Variants in CHCHD6 observed in about 807,000 individuals in gnomAD.
The protein encoded by CHCHD6 is MICOS complex subunit MIC25.
In CHCHD6, 28 loss-of-function variants were observed where a neutral mutation model predicts 32.3. The ratio of observed to expected loss-of-function variants is 0.87; its 90% CI spans 0.64 to 1.19. The LOEUF is 1.19. Among genes scored for constraint, CHCHD6 ranks in the 50% most tolerant of loss-of-function variants. The probability of loss-of-function intolerance (pLI) is 0.00; values close to 1 mark genes in which losing one functional copy is unlikely to be tolerated. For synonymous variants in CHCHD6, 122 were observed against 117.5 expected, an observed-to-expected ratio of 1.04 and a Z score of -0.25; for missense variants, 333 against 307.0, an observed-to-expected ratio of 1.08 and a Z score of -0.63.
At chr3:126,872,440 G>A (rs926655438) in intron 5 of CHCHD6, among the ~76,000 whole-genome samples, 1 of 152,162 alleles carries the variant, frequency 6.6e-6, no homozygotes, top group Non-Finnish European at 1.5e-5. Flanking sequence ...ATCACCTGAA[G>A]TGCTCGGTAA....
chr3:126,870,915 G>T (rs989244279), intron 5 of CHCHD6, among the ~76,000 whole-genome samples: 2 of 152,146 alleles, frequency 1.3e-5, no homozygotes, highest in African/African-American at 4.8e-5. Flanking sequence ...TTGCTGAATT[G>T]GACATTGTCT....
At chr3:126,838,541 T>A (rs1353034727) in intron 4 of CHCHD6, among the ~76,000 whole-genome samples, 1 of 152,210 alleles carries the variant, frequency 6.6e-6, no homozygotes, top group Non-Finnish European at 1.5e-5. Flanking sequence ...AGTCCCTTAA[T>A]CAGCTGCATC....
At chr3:126,786,864 A>G (rs1464895984) in intron 4 of CHCHD6, among the ~76,000 whole-genome samples, 1 of 151,996 alleles carries the variant, frequency 6.6e-6, no homozygotes, top group Non-Finnish European at 1.5e-5. Flanking sequence ...TTTTGTTGCC[A>G]TTGCTTTTGG....
chr3:126,820,451 G>A lies in CHCHD6; in HGVS notation c.412-32196G>A, dbSNP rs577526223. Among the ~76,000 whole-genome samples the A allele has an allele frequency of 5.4e-4, 82 of 152,140 alleles. 1 individual carries two copies. Among genetic ancestry groups the A allele is most frequent in the Non-Finnish European group, 1.1e-3 (76 of 68,030 alleles). On this transcript the variant is annotated intron_variant, in intron 4 of 7. Coordinates refer to ENST00000290913, the MANE Select transcript of CHCHD6 (RefSeq NM_032343.3). ...CATGGATTGGTTTGCCTGCTCTTGCGCTCTGTGGACTTGGAAGAATACAGG... is the reference window on the plus strand; with the variant it reads ...CATGGATTGGTTTGCCTGCTCTTGCACTCTGTGGACTTGGAAGAATACAGG...
At chr3:126,911,029 A>G (rs535272542) in intron 5 of CHCHD6, among the ~76,000 whole-genome samples, 1 of 152,176 alleles carries the variant, frequency 6.6e-6, no homozygotes, top group Non-Finnish European at 1.5e-5. Context: ...TTTTAAAACC[A>G]TATGTAAGTA....
intron 4 of CHCHD6, among the ~76,000 whole-genome samples, chr3:126,803,056 G>T (rs1383531095): frequency 1.3e-5 from 2 of 152,054 alleles, no homozygotes; most frequent in Admixed American, 1.3e-4. Context: ...AAGAGCTCCT[G>T]ACACAAGCAC....
chr3:126,714,232 C>T (rs999132593), intron 1 of CHCHD6, among the ~76,000 whole-genome samples: 7 of 152,034 alleles, frequency 4.6e-5, no homozygotes, highest in Non-Finnish European at 1.0e-4. Context: ...GCTGTGCAGT[C>T]TCATTACAGT....
At chr3:126,869,288 C>CTTT (rs58408227) in intron 5 of CHCHD6, among the ~76,000 whole-genome samples, 694 of 108,194 alleles carry the variant, frequency 6.4e-3, no homozygotes, top group Middle Eastern at 0.012. Context: ...CACCAGTCTC[C>CTTT]TTTTTTTTTT....
At chr3:126,759,030 C>T (rs13324764) in intron 4 of CHCHD6, among the ~76,000 whole-genome samples, 4 of 152,234 alleles carry the variant, frequency 2.6e-5, no homozygotes, top group Non-Finnish European at 5.9e-5. Context: ...TGTCAGCTCA[C>T]CAGCGTGGTC....
chr3:126,747,004 G>C (rs1158122385), intron 4 of CHCHD6, among the ~76,000 whole-genome samples: 2 of 152,208 alleles, frequency 1.3e-5, no homozygotes, highest in Non-Finnish European at 2.9e-5. Flanking sequence ...TACTGGGGGA[G>C]CCTCTCCTCA....
chr3:126,902,779 T>A (rs1331437271), intron 5 of CHCHD6, among the ~76,000 whole-genome samples: 1 of 151,182 alleles, frequency 6.6e-6, no homozygotes, highest in Non-Finnish European at 1.5e-5. Flanking sequence ...GCCTCCCTTC[T>A]GCACATCCAT....
At chr3:126,727,791 G>A (rs150162027) in intron 2 of CHCHD6, among the ~76,000 whole-genome samples, 465 of 152,274 alleles carry the variant, frequency 3.1e-3, no homozygotes, top group African/African-American at 0.011. Flanking sequence ...TGCAAATGAA[G>A]AAATTTGTGC....
intron 6 of CHCHD6, among the ~76,000 whole-genome samples, chr3:126,917,144 T>G (rs956810532): frequency 5.3e-5 from 8 of 152,252 alleles, no homozygotes; most frequent in Admixed American, 1.3e-4. Flanking sequence ...GAGTGAAGCC[T>G]AAGGTTTTTT....
chr3:126,959,578 G>A (rs1321637009), intron 7 of CHCHD6, among the ~76,000 whole-genome samples: 2 of 152,230 alleles, frequency 1.3e-5, no homozygotes, highest in Non-Finnish European at 2.9e-5. Context: ...GGCCCACATG[G>A]TCAAGGGCCT....
chr3:126,767,922 C>T (rs562190556), intron 4 of CHCHD6, among the ~76,000 whole-genome samples: 14 of 152,288 alleles, frequency 9.2e-5, no homozygotes, highest in East Asian at 5.8e-4. Context: ...ACAAAGGACA[C>T]GATCTCATTC....
At chr3:126,836,633 G>A (rs976710934) in intron 4 of CHCHD6, among the ~76,000 whole-genome samples, 4 of 152,232 alleles carry the variant, frequency 2.6e-5, no homozygotes, top group African/African-American at 9.6e-5. Context: ...GCACACAAGA[G>A]TGAAACAGCA....
chr3:126,813,469 G>T (rs1459382630), intron 4 of CHCHD6, among the ~76,000 whole-genome samples: 3 of 152,198 alleles, frequency 2.0e-5, no homozygotes, highest in Non-Finnish European at 1.5e-5. Flanking sequence ...ATTATCTGTA[G>T]TGAGAGGAAG....
chr3:126,711,282 A>G (rs1310894914), intron 1 of CHCHD6, among the ~76,000 whole-genome samples: 3 of 152,228 alleles, frequency 2.0e-5, no homozygotes, highest in African/African-American at 2.4e-5. Flanking sequence ...GCAGCTGTGC[A>G]TGAGAATCTT....
intron 5 of CHCHD6, among the ~76,000 whole-genome samples, chr3:126,891,882 G>T (rs1418254779): frequency 6.6e-6 from 1 of 152,128 alleles, no homozygotes; most frequent in Non-Finnish European, 1.5e-5. Context: ...AGCTAGCTGT[G>T]TTCCAGAGCT....
Sources: gnomAD v4.1 joint callset for allele counts (sites outside exome capture counted in the v4.1 genomes callset) on GRCh38, gnomAD v4.1.1 for gene constraint, MANE v1.5 for transcripts, NCBI Gene and HGNC (gene_info 2026-07-23, HGNC 2026-07-21) for gene names.